The following ARHGAP26 variants were observed in gnomAD, a reference collection of about 807,000 sequenced individuals.
ARHGAP26 encodes the protein Rho GTPase activating protein 26.
Under a neutral mutation model 104.8 loss-of-function variants are expected in ARHGAP26, and 38 were observed. That is an observed-to-expected ratio of 0.36 (90% CI 0.28 to 0.48). The LOEUF is 0.48. Ranked by LOEUF, ARHGAP26 falls within the 20% of genes least tolerant of loss-of-function variation. The probability of loss-of-function intolerance (pLI) is 0.99; values close to 1 mark genes in which losing one functional copy is unlikely to be tolerated. For missense variants in ARHGAP26, 704 were observed against 947.9 expected, an observed-to-expected ratio of 0.74 and a Z score of 3.38; for synonymous variants, 341 against 340.0, an observed-to-expected ratio of 1.00 and a Z score of -0.03.
intron 20 of ARHGAP26, among the ~76,000 whole-genome samples, chr5:143,160,136 T>C (rs1453564763): frequency 1.3e-5 from 2 of 150,962 alleles, no homozygotes; most frequent in Non-Finnish European, 3.0e-5. Context: ...CTCGGCTCAC[T>C]GCAAGCTCTG....
intron 5 of ARHGAP26, among the ~76,000 whole-genome samples, chr5:142,892,363 G>A (rs1758786850): frequency 1.3e-5 from 2 of 152,026 alleles, no homozygotes; most frequent in South Asian, 4.1e-4. Flanking sequence ...GATCCACCAG[G>A]ACAGAAATCC....
At position 143,014,111 on chromosome 5, in the gene ARHGAP26, A is replaced by G. The variant is rs1453806080; in HGVS notation, c.1139A>G (p.Glu380Gly). ...VYNSNKDSQS[E>G]GTAQLDSIGF... ...AACTCGAACAAAGACAGCCAGAGTG[A>G]AGGGAGTAAGTACGATGCTTGGGTA... The change falls in exon 12 of 23, where the codon GAA becomes GGA. Residue 380 changes from glutamate to glycine, a missense_variant. Transcript: ENST00000645722. The G allele has an allele frequency of 1.9e-6, 3 of 1,614,170 alleles. No homozygotes were observed.
At chr5:142,896,531 G>C (rs1398297826) in intron 6 of ARHGAP26, among the ~76,000 whole-genome samples, 1 of 152,184 alleles carries the variant, frequency 6.6e-6, no homozygotes, top group African/African-American at 2.4e-5. Flanking sequence ...CAGCTGGATA[G>C]CTTTGCTGAT....
At chr5:142,927,634 A>T (rs1360141423) in intron 10 of ARHGAP26, among the ~76,000 whole-genome samples, 1 of 152,238 alleles carries the variant, frequency 6.6e-6, no homozygotes, top group Non-Finnish European at 1.5e-5. Context: ...AACTGCAGGT[A>T]TTCCTGAATG....
rs35201189 is a variant in ARHGAP26 at position 143,087,636 on chromosome 5, C to CTTTTTTTTTT, written c.1538+29906_1538+29915dup. On this transcript the variant is annotated intron_variant, in intron 17 of 22. Transcript: ENST00000645722. ...CTCATCTAATTAACCCTGGCCCATT[C>CTTTTTTTTTT]TTTTTTTTTTTTTTTTTTTTTTTTT... Among the ~76,000 whole-genome samples, 261 of 51,566 alleles carry CTTTTTTTTTT rather than the reference C, an allele frequency of 5.1e-3. 89 individuals are homozygous for CTTTTTTTTTT. Among genetic ancestry groups the CTTTTTTTTTT allele is most frequent in the East Asian group, 0.013 (15 of 1,166 alleles). The allele number at this position is 51,566 out of a possible 152,430, so 33.8% of individuals were successfully genotyped here. A position where few individuals can be genotyped will look rare whatever the true frequency, so the allele number is the denominator to read the frequency against.
chr5:142,894,974 A>T (rs1430330039), intron 6 of ARHGAP26, among the ~76,000 whole-genome samples: 1 of 152,190 alleles, frequency 6.6e-6, no homozygotes, highest in Admixed American at 6.5e-5. Flanking sequence ...GCCTGACTTT[A>T]GTTTAGGCCA....
chr5:142,781,183 C>T (rs755840563), intron 1 of ARHGAP26, among the ~76,000 whole-genome samples: 4 of 152,126 alleles, frequency 2.6e-5, no homozygotes, highest in South Asian at 2.1e-4. Flanking sequence ...GAAGGCTTAT[C>T]GAGCCCAAGG....
At chr5:143,208,068 G>A (rs1172100648) in intron 21 of ARHGAP26, among the ~76,000 whole-genome samples, 1 of 152,202 alleles carries the variant, frequency 6.6e-6, no homozygotes, top group East Asian at 1.9e-4. Context: ...CTGGGAACAG[G>A]CACTACCTCT....
At chr5:142,973,493 C>T (rs146346061) in intron 11 of ARHGAP26, among the ~76,000 whole-genome samples, 211 of 152,268 alleles carry the variant, frequency 1.4e-3, no homozygotes, top group African/African-American at 4.8e-3. Flanking sequence ...TTGAAATGTT[C>T]GGGGAGCGAG....
At chr5:142,802,762 A>G (rs1486664649) in intron 1 of ARHGAP26, among the ~76,000 whole-genome samples, 1 of 152,208 alleles carries the variant, frequency 6.6e-6, no homozygotes, top group Non-Finnish European at 1.5e-5. Context: ...CAGGGACACT[A>G]GAGTAGACAG....
At chr5:142,903,453 T>C in intron 7 of ARHGAP26, 87 bp from the exon 8 acceptor site, 1 of 1,424,182 alleles carries the variant, frequency 7.0e-7, no homozygotes, top group Admixed American at 2.1e-5. Flanking sequence ...TATCTCATTT[T>C]AGATCTAAGG....
At chr5:142,985,174 A>C (rs1774495353) in intron 11 of ARHGAP26, among the ~76,000 whole-genome samples, 1 of 152,130 alleles carries the variant, frequency 6.6e-6, no homozygotes, top group African/African-American at 2.4e-5. Context: ...AATAAATACA[A>C]AAAAAACTTG....
intron 1 of ARHGAP26, among the ~76,000 whole-genome samples, chr5:142,833,548 T>C (rs533125402): frequency 6.6e-6 from 1 of 152,336 alleles, no homozygotes; most frequent in East Asian, 1.9e-4. Context: ...GTATGTACTT[T>C]TTTCCCCCAT....
At chr5:143,082,528 A>G (rs965157692) in intron 17 of ARHGAP26, among the ~76,000 whole-genome samples, 17 of 152,234 alleles carry the variant, frequency 1.1e-4, no homozygotes, top group Non-Finnish European at 2.2e-4. Context: ...AGTCCCCAAA[A>G]GCAAAAATTG....
At chr5:143,099,266 C>A (rs1447612998) in intron 17 of ARHGAP26, among the ~76,000 whole-genome samples, 2 of 152,118 alleles carry the variant, frequency 1.3e-5, no homozygotes, top group Non-Finnish European at 2.9e-5. Context: ...ATTATATTCC[C>A]AGAAAGTAAG....
At chr5:142,858,061 C>CTGTGTGTGTGTG (rs746146391) in intron 1 of ARHGAP26, among the ~76,000 whole-genome samples, 3,750 of 134,144 alleles carry the variant, frequency 0.028, 80 homozygotes, top group East Asian at 0.066. Context: ...GAGAGAGAAT[C>CTGTGTGTGTGTG]TGTGTGTGTG....
chr5:143,100,830 C>T (rs1240912920), intron 17 of ARHGAP26, among the ~76,000 whole-genome samples: 1 of 152,188 alleles, frequency 6.6e-6, no homozygotes, highest in African/African-American at 2.4e-5. Context: ...GTGGCTCATG[C>T]CTGTAATCCC....
At chr5:142,802,156 C>G (rs1597683884) in intron 1 of ARHGAP26, among the ~76,000 whole-genome samples, 2 of 152,186 alleles carry the variant, frequency 1.3e-5, no homozygotes, top group Admixed American at 1.3e-4. Context: ...GTAATGGCTA[C>G]AATTTTGCCC....
intron 11 of ARHGAP26, among the ~76,000 whole-genome samples, chr5:142,989,712 T>C (rs1775303220): frequency 6.6e-6 from 1 of 152,234 alleles, no homozygotes; most frequent in African/African-American, 2.4e-5. Context: ...CCTTCACTTA[T>C]GAAGCTTAGT....
Sources: allele counts gnomAD v4.1 joint callset (sites outside exome capture counted in the v4.1 genomes callset), GRCh38; gene constraint gnomAD v4.1.1; transcripts MANE v1.5; gene names NCBI Gene and HGNC (gene_info 2026-07-23, HGNC 2026-07-21).